Variants in EFCAB6 observed in about 807,000 individuals in gnomAD.
EFCAB6 encodes the protein EF-hand calcium binding domain 6, also known as EF-hand calcium-binding domain-containing protein 6.
EFCAB6 carries 156 observed loss-of-function variants against 169.8 expected under a neutral mutation model. The ratio of observed to expected loss-of-function variants is 0.92; its 90% CI spans 0.81 to 1.05. The LOEUF (loss-of-function observed/expected upper bound fraction) is 1.05. Among genes scored for constraint, EFCAB6 ranks in the 50% least tolerant of loss-of-function variants. The pLI, the probability that EFCAB6 is intolerant of heterozygous loss-of-function variation, is 0.00. For missense variants in EFCAB6, 1,800 were observed against 1,829.1 expected, an observed-to-expected ratio of 0.98 and a Z score of 0.29; for synonymous variants, 698 against 676.4, an observed-to-expected ratio of 1.03 and a Z score of -0.50.
intron 17 of EFCAB6, among the ~76,000 whole-genome samples, chr22:43,662,916 C>T (rs2057075831): frequency 6.6e-6 from 1 of 152,212 alleles, no homozygotes; most frequent in Non-Finnish European, 1.5e-5. Context: ...CTGAGTCTGA[C>T]ACAGACAGAC....
At chr22:43,733,511 C>T (rs902493896) in intron 7 of EFCAB6, among the ~76,000 whole-genome samples, 2 of 152,010 alleles carry the variant, frequency 1.3e-5, no homozygotes, top group African/African-American at 4.8e-5. Context: ...GTATCTCTGG[C>T]CTCTTGTTTT....
At chr22:43,789,419 A>G (rs2062193426) in intron 2 of EFCAB6, among the ~76,000 whole-genome samples, 1 of 152,196 alleles carries the variant, frequency 6.6e-6, no homozygotes, top group Non-Finnish European at 1.5e-5. Context: ...GTTCCCTTTC[A>G]ATAATTTCTA....
intron 19 of EFCAB6, 103 bp downstream of exon 19, chr22:43,632,002 C>T (rs1233122060): frequency 6.8e-7 from 1 of 1,481,402 alleles, no homozygotes. Context: ...GTCCCTTGGG[C>T]TGACTGGGAC....
intron 13 of EFCAB6, among the ~76,000 whole-genome samples, chr22:43,672,815 A>T (rs1170432747): frequency 6.6e-6 from 1 of 152,106 alleles, no homozygotes; most frequent in Non-Finnish European, 1.5e-5. Context: ...CTGTACAATA[A>T]ACCCCCATGA....
At chr22:43,529,581 T>C (rs2046936834) in intron 31 of EFCAB6, among the ~76,000 whole-genome samples, 3 of 152,198 alleles carry the variant, frequency 2.0e-5, no homozygotes, top group South Asian at 2.1e-4. Flanking sequence ...GAATGTTATG[T>C]AGAACATCCA....
intron 6 of EFCAB6, among the ~76,000 whole-genome samples, chr22:43,737,434 TCA>T (rs1227860464): frequency 2.8e-5 from 4 of 142,544 alleles, no homozygotes; most frequent in African/African-American, 5.3e-5. Context: ...ACACCATCAC[TCA>T]CACACACATA....
intron 23 of EFCAB6, among the ~76,000 whole-genome samples, chr22:43,597,392 C>G (rs1285939327): frequency 2.0e-5 from 3 of 152,122 alleles, no homozygotes; most frequent in Non-Finnish European, 2.9e-5. Context: ...TCTAACAACC[C>G]AACAGCATGA....
intron 6 of EFCAB6, among the ~76,000 whole-genome samples, chr22:43,742,472 G>C (rs1365884258): frequency 6.6e-6 from 1 of 152,184 alleles, no homozygotes; most frequent in Non-Finnish European, 1.5e-5. Context: ...CATCTGAGTG[G>C]GTGAGGAAGT....
chr22:43,660,585 A>AC (rs918258006), intron 17 of EFCAB6, among the ~76,000 whole-genome samples: 4 of 151,378 alleles, frequency 2.6e-5, no homozygotes, highest in South Asian at 4.2e-4. Flanking sequence ...ATTTTTTCCA[A>AC]CCCCCCTTAT....
At chr22:43,625,049 G>A (rs1249529802) in intron 20 of EFCAB6, among the ~76,000 whole-genome samples, 4 of 152,134 alleles carry the variant, frequency 2.6e-5, no homozygotes, top group East Asian at 1.9e-4. Context: ...CATGTTAGAT[G>A]ATCATTTTGC....
At chr22:43,784,600 C>T (rs371601951) in intron 2 of EFCAB6, among the ~76,000 whole-genome samples, 5 of 78,740 alleles carry the variant, frequency 6.4e-5, no homozygotes, top group Non-Finnish European at 1.0e-4. Context: ...TGTATATATA[C>T]ACATATATAT....
chr22:43,664,185 G>A (rs1042232081), intron 17 of EFCAB6, among the ~76,000 whole-genome samples: 1 of 152,218 alleles, frequency 6.6e-6, no homozygotes, highest in Non-Finnish European at 1.5e-5. Context: ...GAGCACAGGG[G>A]TTGGAGGGCT....
intron 10 of EFCAB6, among the ~76,000 whole-genome samples, chr22:43,689,238 G>C (rs2058313273): frequency 6.6e-6 from 1 of 152,044 alleles, no homozygotes; most frequent in African/African-American, 2.4e-5. Context: ...GCAGGGGGTT[G>C]GTTGGATGGC....
At chr22:43,704,590 A>G (rs932242352) in intron 10 of EFCAB6, among the ~76,000 whole-genome samples, 15 of 152,222 alleles carry the variant, frequency 9.9e-5, no homozygotes, top group African/African-American at 3.1e-4. Flanking sequence ...CAAGAAATAT[A>G]TAAGATTATG....
chr22:43,728,001 C>T (rs1435819588), intron 8 of EFCAB6, among the ~76,000 whole-genome samples: 1 of 151,932 alleles, frequency 6.6e-6, no homozygotes, highest in Non-Finnish European at 1.5e-5. Flanking sequence ...ACCCATCAAC[C>T]CATCATCTAG....
rs2147852667 is a variant in EFCAB6, at chr22:43,628,274, T to C, written c.2233-1595A>G. ...TCAGACACAAACCTGGGAGCCCTTC[T>C]GAGCCCTCGCTTCCTCTCACACCCA... On this transcript the variant is annotated intron_variant, in intron 19 of 31. Transcript: ENST00000262726. This position sits in a 1 kb window ranked among gnomAD's most constrained non-coding sequence, Gnocchi z 4.8. 6.6e-6 allele frequency among the ~76,000 whole-genome samples: 1 copy of C among 152,250 alleles called. No homozygotes were observed. The highest frequency in any genetic ancestry group is 1.9e-4 in the East Asian group (1 of 5,166).
chr22:43,783,160 A>G (rs771179431), intron 2 of EFCAB6, among the ~76,000 whole-genome samples: 2 of 152,218 alleles, frequency 1.3e-5, no homozygotes, highest in Non-Finnish European at 2.9e-5. Context: ...CTCAGTGAAC[A>G]CAGCCTATCA....
intron 27 of EFCAB6, among the ~76,000 whole-genome samples, chr22:43,541,985 G>A (rs1305828727): frequency 1.3e-5 from 2 of 152,238 alleles, no homozygotes; most frequent in Non-Finnish European, 2.9e-5. Flanking sequence ...ATGCTTCAAG[G>A]TGAGGGCAAT....
At chr22:43,793,674 G>C (rs1034351724) in intron 2 of EFCAB6, among the ~76,000 whole-genome samples, 4 of 145,718 alleles carry the variant, frequency 2.7e-5, no homozygotes, top group African/African-American at 1.0e-4. Flanking sequence ...GCATTGCTCT[G>C]TGGGGTACCT....
Sources: allele counts gnomAD v4.1 joint callset (sites outside exome capture counted in the v4.1 genomes callset), GRCh38; gene constraint gnomAD v4.1.1; non-coding constraint Gnocchi (gnomAD v3.1); transcripts MANE v1.5; gene names NCBI Gene and HGNC (gene_info 2026-07-23, HGNC 2026-07-21).